The following GEN1 variants were observed in gnomAD, a reference collection of about 807,000 sequenced individuals.
GEN1 encodes the protein flap endonuclease GEN homolog 1.
In GEN1, 64 loss-of-function variants were observed where a neutral mutation model predicts 67.6. The observed-to-expected ratio is 0.95, with a 90% CI of 0.77 to 1.17. The LOEUF is 1.17. Among genes scored for constraint, GEN1 ranks in the 50% most tolerant of loss-of-function variants. The pLI is 0.00. For synonymous variants in GEN1, 371 were observed against 359.4 expected (o/e 1.03, Z -0.37); for missense variants, 1,058 against 1,048.3 (o/e 1.01, Z -0.13).
intron 11 of GEN1, among the ~76,000 whole-genome samples, chr2:17,777,727 A>G (rs1226661748): frequency 2.6e-5 from 4 of 152,212 alleles, no homozygotes; most frequent in Admixed American, 2.6e-4. Context: ...TTACCAAAGT[A>G]ATATAACAAA....
rs765060095 is a variant in GEN1, at chr2:17,765,071, A to C, written c.523A>C (p.Lys175Gln). ...TVYRNFTMNT[K>Q]DPHVDCYTMS... ...TTACAGGAATTTCACTATGAATACA[A>C]AGGTGTTTATTTTCTTTCTCTTTTT... The change falls in exon 4 of 14, where the codon AAG becomes CAG. Residue 175 changes from lysine (K) to glutamine (Q), a missense_variant and splice_region_variant. Physicochemically the swap from Lys to Gln is moderately conservative, Grantham distance 53. Transcript: ENST00000381254. 6.2e-7 allele frequency: 1 copy of C among 1,613,140 alleles called. No individual in the cohort carries two copies. Among genetic ancestry groups the C allele is most frequent in the African/African-American group, 1.3e-5 (1 of 74,874 alleles).
intron 1 of GEN1, chr2:17,754,896 C>T (rs1671338941): frequency 6.6e-6 from 1 of 152,166 alleles, no homozygotes; most frequent in African/African-American, 2.4e-5. Flanking sequence ...CCTTCTCAAC[C>T]CCACACTCCC....
rs1441071288 is a variant in GEN1, at chr2:17,784,487, AT to A, written c.*2549del. 5 of 152,144 alleles carry A rather than the reference AT, an allele frequency of 3.3e-5. No individual in the cohort carries two copies. Among genetic ancestry groups the A allele is most frequent in the African/African-American group, 1.2e-4 (5 of 41,450 alleles). 9.4% of individuals were successfully genotyped at this position (152,144 alleles called of 1,614,324 possible). On this transcript the variant is annotated 3_prime_UTR_variant, in exon 14 of 14. Transcript: ENST00000381254. ...ATATACCCAAGATAAATGAAAACTT[AT>A]ATCCACATAAAAACCTGTGCACAAA...
chr2:17,777,481 G>T (rs551045313), intron 11 of GEN1, among the ~76,000 whole-genome samples: 2 of 152,106 alleles, frequency 1.3e-5, no homozygotes, highest in African/African-American at 2.4e-5. Context: ...GAAGATGGAA[G>T]TAACAAAGAA....
rs543813279 is a variant in GEN1 at position 17,786,694 on chromosome 2, C to G, written c.*4755C>G. The stretch of plus-strand genomic sequence containing the variant: ...TCAGTTCTTGACTCAAATATCACCT[C>G]AGAGAGTCCTAATCTTTTTATCTCC... On this transcript the variant is annotated 3_prime_UTR_variant, in exon 14 of 14. Transcript: ENST00000381254. 6.6e-6 allele frequency: 1 copy of G among 152,246 alleles called. No homozygotes were observed. The highest frequency in any genetic ancestry group is 6.5e-5 in the Admixed American group (1 of 15,288). 9.4% of individuals were successfully genotyped at this position (152,246 alleles called of 1,614,324 possible).
chr2:17,779,664 C>T (rs1302968690), intron 12 of GEN1, among the ~76,000 whole-genome samples: 4 of 151,256 alleles, frequency 2.6e-5, no homozygotes, highest in South Asian at 4.2e-4. Context: ...TGTAGTGGTG[C>T]GATCTCGGCT....
chr2:17,786,972 A>T lies in GEN1; in HGVS notation c.*5033A>T, dbSNP rs1673079638. The T allele has an allele frequency of 6.6e-6, 1 of 152,262 alleles. No individual in the cohort carries two copies. The highest frequency in any genetic ancestry group is 2.4e-5 in the African/African-American group (1 of 41,454). The allele number at this position is 152,262 out of a possible 1,614,324, so 9.4% of individuals were successfully genotyped here. On this transcript the variant is annotated 3_prime_UTR_variant, in exon 14 of 14. Coordinates refer to ENST00000381254, the MANE Select transcript of GEN1 (RefSeq NM_001130009.3). ...TCAGCATGGCTCACAAGGCTGAGGC[A>T]GCCTGGCCCCAACTTGTCTCTTCAG...
chr2:17,780,168 A>G (rs779132090), intron 13 of GEN1, 47 bp downstream of exon 13: 1 of 1,485,176 alleles, frequency 6.7e-7, no homozygotes, highest in Non-Finnish European at 9.3e-7. Flanking sequence ...CAAATGTTAT[A>G]GAAGAGCCAC....
At chr2:17,777,746 C>T (rs568162823) in intron 11 of GEN1, among the ~76,000 whole-genome samples, 1 of 151,874 alleles carries the variant, frequency 6.6e-6, no homozygotes, top group African/African-American at 2.4e-5. Context: ...AATTTTAAAA[C>T]AAAAATCATT....
chr2:17,778,321 CACGTGT>C lies in GEN1; in HGVS notation c.1264+261_1264+266del, dbSNP rs1672609949. 5.7e-4 allele frequency among the ~76,000 whole-genome samples: 12 copies of C among 21,062 alleles called. 3 individuals carry two copies. The highest frequency in any genetic ancestry group is 4.7e-3 in the Admixed American group (6 of 1,272). The allele number at this position is 21,062 out of a possible 152,430, so 13.8% of individuals were successfully genotyped here. ...GTGTACATATATGTATATACACACA[CACGTGT>C]ACATATATGTATACACACACATGTG... On this transcript the variant is annotated intron_variant, in intron 12 of 13. Coordinates refer to ENST00000381254, the MANE Select transcript of GEN1 (RefSeq NM_001130009.3).
At chr2:17,769,146 A>G (rs1219856036) in intron 6 of GEN1, among the ~76,000 whole-genome samples, 1 of 152,228 alleles carries the variant, frequency 6.6e-6, no homozygotes, top group Admixed American at 6.5e-5. Context: ...CAGCCTCCTG[A>G]GTAACTGGGA....
chr2:17,777,283 T>A (rs182547310), intron 11 of GEN1, among the ~76,000 whole-genome samples: 16 of 152,202 alleles, frequency 1.1e-4, no homozygotes, highest in Admixed American at 5.2e-4. Context: ...CTAGAAAAAA[T>A]TATGTATATA....
chr2:17,772,545 G>A, intron 7 of GEN1, 89 bp from the exon 8 acceptor site: 1 of 1,219,224 alleles, frequency 8.2e-7, no homozygotes, highest in African/African-American at 1.5e-5. Flanking sequence ...TATTAATTTT[G>A]GAAAATTTAG....
At chr2:17,777,606 A>G (rs1009933799) in intron 11 of GEN1, among the ~76,000 whole-genome samples, 7 of 152,146 alleles carry the variant, frequency 4.6e-5, no homozygotes, top group African/African-American at 1.4e-4. Context: ...ATTATATTGG[A>G]TAAGTAAATA....
At chr2:17,761,698 C>T in intron 3 of GEN1, 116 bp downstream of exon 3, 1 of 682,234 alleles carries the variant, frequency 1.5e-6, no homozygotes, top group Non-Finnish European at 2.3e-6. Flanking sequence ...AGGGATGTGC[C>T]TAGAGAAAAG....
Position 17,784,314 on chromosome 2 carries a change from AGTATT to A in GEN1, c.*2377_*2381del, listed in dbSNP as rs1572431558. 6.6e-6 allele frequency: 1 copy of A among 152,218 alleles called. No individual in the cohort carries two copies. Among genetic ancestry groups the A allele is most frequent in the East Asian group, 1.9e-4 (1 of 5,204 alleles). The allele number at this position is 152,218 out of a possible 1,614,324, so 9.4% of individuals were successfully genotyped here. On this transcript the variant is annotated 3_prime_UTR_variant, in exon 14 of 14. Transcript: ENST00000381254. The stretch of plus-strand genomic sequence containing the variant: ...GTCTACAATCAAAAAGATAATAACT[AGTATT>A]GATGAGGATGTGGAGAAATTGAAAT...
rs1302487117 is a variant in GEN1 at position 17,786,574 on chromosome 2, C to T, written c.*4635C>T. On this transcript the variant is annotated 3_prime_UTR_variant, in exon 14 of 14. Coordinates refer to ENST00000381254, the MANE Select transcript of GEN1 (RefSeq NM_001130009.3). ...CAGTGAGTTTAAAATTTTTCCAGGT[C>T]ACCCAACTAGAAAAAGTTAAAGCTG... The T allele has an allele frequency of 3.3e-5, 5 of 152,162 alleles. No individual in the cohort carries two copies. Among genetic ancestry groups the T allele is most frequent in the Non-Finnish European group, 5.9e-5 (4 of 68,022 alleles). 9.4% of individuals were successfully genotyped at this position (152,162 alleles called of 1,614,324 possible).
intron 3 of GEN1, 128 bp from the exon 4 acceptor site, chr2:17,764,769 A>G (rs1004883813): frequency 3.7e-6 from 3 of 815,506 alleles, no homozygotes; most frequent in Admixed American, 7.0e-5. Context: ...AGTGTTTCTT[A>G]AATATCGTAA....
chr2:17,777,657 A>G (rs146345626), intron 11 of GEN1, among the ~76,000 whole-genome samples: 5 of 152,192 alleles, frequency 3.3e-5, no homozygotes, highest in Admixed American at 6.5e-5. Context: ...ATGTAGAATA[A>G]TACTACACAG....
Sources: gnomAD v4.1 joint callset for allele counts (sites outside exome capture counted in the v4.1 genomes callset) on GRCh38, gnomAD v4.1.1 for gene constraint, MANE v1.5 for transcripts, NCBI Gene and HGNC (gene_info 2026-07-23, HGNC 2026-07-21) for gene names.